Variants in FAT4 observed in about 807,000 individuals in gnomAD.
FAT4 encodes the protein protocadherin Fat 4.
In FAT4, 84 loss-of-function variants were observed where a neutral mutation model predicts 303.9. The observed-to-expected ratio is 0.28, with a 90% CI of 0.23 to 0.33. The LOEUF is 0.33. Among genes scored for constraint, FAT4 ranks in the 10% least tolerant of loss-of-function variants. FAT4 has a pLI of 1.00. For synonymous variants in FAT4, 2,307 were observed against 2,298.8 expected (o/e 1.00, Z -0.10); for missense variants, 6,005 against 6,146.8 (o/e 0.98, Z 0.77).
intron 10 of FAT4, among the ~76,000 whole-genome samples, chr4:125,458,181 C>A (rs967162143): frequency 6.6e-6 from 1 of 151,956 alleles, no homozygotes; most frequent in South Asian, 2.1e-4. Flanking sequence ...GGTTTATTAC[C>A]TTATGGAGAA....
intron 7 of FAT4, among the ~76,000 whole-genome samples, chr4:125,421,562 C>G (rs1209224798): frequency 6.6e-6 from 1 of 152,220 alleles, no homozygotes; most frequent in Non-Finnish European, 1.5e-5. Context: ...TGCCACTACT[C>G]TTTCAGGGAA....
At position 125,480,171 on chromosome 4, in the gene FAT4, T is replaced by C. The variant is rs11737550; in HGVS notation, c.12604+306T>C. On this transcript the variant is annotated intron_variant, in intron 15 of 17. Coordinates refer to ENST00000394329, the MANE Select transcript of FAT4 (RefSeq NM_001291303.3). ...TCTAGGCAATCTAAAAGATCAAAGG[T>C]TATAGTTAGGCTTTTTTTCATATTA... 0.38 allele frequency among the ~76,000 whole-genome samples: 58,258 copies of C among 151,830 alleles called. 11,212 individuals are homozygous for C. Among genetic ancestry groups the C allele is most frequent in the Middle Eastern group, 0.46 (136 of 294 alleles).
At chr4:125,353,077 A>G (rs1164849174) in intron 2 of FAT4, among the ~76,000 whole-genome samples, 1 of 151,670 alleles carries the variant, frequency 6.6e-6, no homozygotes, top group Non-Finnish European at 1.5e-5. Flanking sequence ...GCAGATTGTA[A>G]ATTTTAGAAA....
intron 11 of FAT4, among the ~76,000 whole-genome samples, chr4:125,467,286 A>G (rs1310367356): frequency 6.6e-6 from 1 of 152,196 alleles, no homozygotes; most frequent in African/African-American, 2.4e-5. Flanking sequence ...CTGTGACCTT[A>G]GGCAAGTTTT....
intron 17 of FAT4, among the ~76,000 whole-genome samples, chr4:125,488,320 A>G (rs1164127405): frequency 1.3e-5 from 2 of 152,186 alleles, no homozygotes; most frequent in Non-Finnish European, 1.5e-5. Flanking sequence ...TTATTTACAG[A>G]GCAATGGGAA....
rs1022229170 is a variant in FAT4, at chr4:125,319,256, A to G, written c.2845A>G (p.Ile949Val). 3.7e-6 allele frequency: 6 copies of G among 1,614,048 alleles called. No individual in the cohort carries two copies. Among genetic ancestry groups the G allele is most frequent in the Non-Finnish European group, 5.1e-6 (6 of 1,180,006 alleles). The stretch of plus-strand genomic sequence containing the variant: ...TGCTATCAATGAAAAGAATGGCACT[A>G]TTAGTCTGCTTGGGCCCCTGGATGT... ...LFAINEKNGTISLLGPLDVHA... is the reference protein window; with the variant it reads ...LFAINEKNGTVSLLGPLDVHA... Residue 949 changes from isoleucine (I) to valine (V), a missense_variant, in exon 2 of 18, where the codon ATT becomes GTT. Ile to Val is a conservative substitution (Grantham distance 29). Coordinates refer to ENST00000394329, the MANE Select transcript of FAT4 (RefSeq NM_001291303.3).
At chr4:125,365,428 T>C (rs1020356854) in intron 2 of FAT4, among the ~76,000 whole-genome samples, 4 of 152,218 alleles carry the variant, frequency 2.6e-5, no homozygotes, top group Non-Finnish European at 4.4e-5. Context: ...CTCCTCTTTC[T>C]CTTTTTTTCT....
rs371688943 is a variant in FAT4 at position 125,476,162 on chromosome 4, G to T, written c.12214-9G>T. The stretch of plus-strand genomic sequence containing the variant: ...TCAAAGTTGAATGTTTCTTTCTCTT[G>T]CTTCGTAGGCAGCCTCCTTAACTGT... On this transcript the variant is annotated splice_polypyrimidine_tract_variant and intron_variant, in intron 12 of 17. Coordinates refer to ENST00000394329, the MANE Select transcript of FAT4 (RefSeq NM_001291303.3). 6.6e-5 allele frequency: 103 copies of T among 1,568,548 alleles called. No homozygotes were observed. Among genetic ancestry groups the T allele is most frequent in the Non-Finnish European group, 8.9e-5 (102 of 1,145,036 alleles).
intron 10 of FAT4, among the ~76,000 whole-genome samples, chr4:125,461,340 A>G (rs1726476976): frequency 6.6e-6 from 1 of 152,106 alleles, no homozygotes; most frequent in Non-Finnish European, 1.5e-5. Flanking sequence ...TTCAAAAAAC[A>G]TATAGTAGCT....
At chr4:125,414,608 G>GT (rs1184736086) in intron 5 of FAT4, among the ~76,000 whole-genome samples, 1 of 152,116 alleles carries the variant, frequency 6.6e-6, no homozygotes, top group African/African-American at 2.4e-5. Flanking sequence ...CACTGTTAGT[G>GT]TTGGACCATC....
chr4:125,321,187 T>C lies in FAT4; in HGVS notation c.4776T>C (p.Pro1592=). The C allele has an allele frequency of 1.2e-6, 2 of 1,614,134 alleles. No individual in the cohort carries two copies. The highest frequency in any genetic ancestry group is 1.7e-6 in the Non-Finnish European group (2 of 1,179,996). The change falls in exon 2 of 18, where the codon CCT becomes CCC. Residue 1592 remains proline (P), a synonymous_variant. Coordinates refer to ENST00000394329, the MANE Select transcript of FAT4 (RefSeq NM_001291303.3). ...GDLRVASALV[P]SQLIYNLIVS... ...TGAGAGTGGCTTCAGCGTTGGTGCC[T>C]TCACAGTTGATCTACAATCTCATAG...
rs772039129 is a variant in FAT4, at chr4:125,319,041, C to T, written c.2630C>T (p.Thr877Ile). The T allele has an allele frequency of 6.2e-7, 1 of 1,614,176 alleles. No individual in the cohort carries two copies. Among genetic ancestry groups the T allele is most frequent in the Non-Finnish European group, 8.5e-7 (1 of 1,180,040 alleles). Reference sequence around the variant, plus strand: ...AGTGGGGGCACAGTGACTGGAGACACTATGGTTAACATAACAGTTAAGGAT... The same window carrying T: ...AGTGGGGGCACAGTGACTGGAGACATTATGGTTAACATAACAGTTAAGGAT... ...VASGGTVTGD[T>I]MVNITVKDLN... The change falls in exon 2 of 18, where the codon ACT becomes ATT. Residue 877 changes from threonine to isoleucine, a missense_variant. By Grantham distance (89) the Thr-to-Ile change is moderately conservative (BLOSUM62 -1). Transcript: ENST00000394329.
intron 7 of FAT4, among the ~76,000 whole-genome samples, chr4:125,420,895 G>A (rs981829429): frequency 2.6e-5 from 4 of 152,116 alleles, no homozygotes; most frequent in Admixed American, 2.6e-4. Flanking sequence ...TTCAAAACCT[G>A]CATGAGCAGA....
At chr4:125,333,222 G>C (rs1279572391) in intron 2 of FAT4, among the ~76,000 whole-genome samples, 1 of 151,988 alleles carries the variant, frequency 6.6e-6, no homozygotes, top group African/African-American at 2.4e-5. Context: ...AGCAAGATCA[G>C]ATATGTAAGT....
rs1727648461 is a variant in FAT4 at position 125,491,589 on chromosome 4, C to A, written c.14773C>A (p.Gln4925Lys). The change falls in exon 18 of 18, where the codon CAG becomes AAG. Residue 4925 changes from glutamine (Q) to lysine (K), a missense_variant. Physicochemically the swap from Gln to Lys is moderately conservative, Grantham distance 53. Transcript: ENST00000394329. ...ADNTLPMKLGQQAGTFNWDNL... is the reference protein window; with the variant it reads ...ADNTLPMKLGKQAGTFNWDNL... ...CAACACACTGCCCATGAAGCTAGGG[C>A]AGCAAGCAGGGACTTTCAACTGGGA... 27 of 1,614,184 alleles carry A rather than the reference C, an allele frequency of 1.7e-5. No homozygotes were observed. Among genetic ancestry groups the A allele is most frequent in the Non-Finnish European group, 2.1e-5 (25 of 1,180,036 alleles).
chr4:125,323,613 G>A (rs1455621016), intron 2 of FAT4, among the ~76,000 whole-genome samples: 5 of 152,066 alleles, frequency 3.3e-5, no homozygotes, highest in Non-Finnish European at 5.9e-5. Flanking sequence ...AAAATGAAAA[G>A]CAAATGTGTT....
At chr4:125,429,900 T>C (rs1560604038) in intron 7 of FAT4, among the ~76,000 whole-genome samples, 1 of 152,110 alleles carries the variant, frequency 6.6e-6, no homozygotes, top group Non-Finnish European at 1.5e-5. Flanking sequence ...GTAAACATTA[T>C]GCAGCACTTC....
chr4:125,465,659 TAC>T (rs1462662980), intron 11 of FAT4, among the ~76,000 whole-genome samples: 2 of 152,314 alleles, frequency 1.3e-5, no homozygotes, highest in African/African-American at 4.8e-5. Flanking sequence ...GGGCCAAATG[TAC>T]CTTCTTGTCA....
chr4:125,329,736 A>C (rs1304665048), intron 2 of FAT4, among the ~76,000 whole-genome samples: 1 of 152,126 alleles, frequency 6.6e-6, no homozygotes, highest in Non-Finnish European at 1.5e-5. Flanking sequence ...AACATTTTTA[A>C]ATCTGAGCTG....
Sources: gnomAD v4.1 joint callset for allele counts (sites outside exome capture counted in the v4.1 genomes callset) on GRCh38, gnomAD v4.1.1 for gene constraint, MANE v1.5 for transcripts, NCBI Gene and HGNC (gene_info 2026-07-23, HGNC 2026-07-21) for gene names.